The following RBM20 variants were observed in gnomAD, a reference collection of about 807,000 sequenced individuals.
RBM20 encodes RNA-binding protein 20.
A neutral mutation model predicts 110.1 loss-of-function variants in RBM20; 51 were observed. The ratio of observed to expected loss-of-function variants is 0.46; its 90% CI spans 0.37 to 0.59. The LOEUF (loss-of-function observed/expected upper bound fraction) is 0.59, where lower values mean the gene tolerates loss of function less well. Ranked by LOEUF, RBM20 falls within the 20% of genes least tolerant of loss-of-function variation. The probability of loss-of-function intolerance (pLI) is 0.00; values close to 1 mark genes in which losing one functional copy is unlikely to be tolerated. For synonymous variants in RBM20, 589 were observed against 618.2 expected (o/e 0.95, Z 0.70); for missense variants, 1,512 against 1,574.9 (o/e 0.96, Z 0.68).
intron 1 of RBM20, among the ~76,000 whole-genome samples, chr10:110,667,227 T>A (rs1862191703): frequency 6.6e-6 from 1 of 152,208 alleles, no homozygotes. Context: ...TTCACCAAGA[T>A]CCTAAGAATC....
At chr10:110,805,031 A>T (rs1479725478) in intron 7 of RBM20, among the ~76,000 whole-genome samples, 9 of 152,220 alleles carry the variant, frequency 5.9e-5, no homozygotes, top group Non-Finnish European at 8.8e-5. Flanking sequence ...TGAATGGTCC[A>T]TGGTGCTCTC....
At chr10:110,723,358 C>G in intron 1 of RBM20, among the ~76,000 whole-genome samples, 1 of 152,212 alleles carries the variant, frequency 6.6e-6, no homozygotes, top group East Asian at 1.9e-4. Context: ...CTTTCCCCTT[C>G]CCTCATCCTC....
chr10:110,768,086 C>G (rs1844132422), intron 1 of RBM20, among the ~76,000 whole-genome samples: 1 of 152,244 alleles, frequency 6.6e-6, no homozygotes, highest in Non-Finnish European at 1.5e-5. Flanking sequence ...GAAAACCAGT[C>G]AGGCGTGGCG....
chr10:110,763,379 T>G (rs1246034286), intron 1 of RBM20, among the ~76,000 whole-genome samples: 1 of 151,986 alleles, frequency 6.6e-6, no homozygotes, highest in African/African-American at 2.4e-5. Context: ...ATAAGCTCAC[T>G]GGGGAGTTTT....
intron 1 of RBM20, among the ~76,000 whole-genome samples, chr10:110,650,554 A>G (rs1455372205): frequency 6.6e-6 from 1 of 152,156 alleles, no homozygotes; most frequent in Non-Finnish European, 1.5e-5. Flanking sequence ...GATAGTTTCC[A>G]CGCCAATTTT....
chr10:110,768,917 G>A lies in RBM20; in HGVS notation c.192-11884G>A, dbSNP rs138617547. ...GCTGTATTGTGTTTGACCCTTTGTG[G>A]ACTTGTGACCCTTTGTGGACTTGTA... On this transcript the variant is annotated intron_variant, in intron 1 of 13. Coordinates refer to ENST00000369519, the MANE Select transcript of RBM20 (RefSeq NM_001134363.3). 4.6e-3 allele frequency among the ~76,000 whole-genome samples: 700 copies of A among 151,312 alleles called. 5 individuals carry two copies. Among genetic ancestry groups the A allele is most frequent in the Admixed American group, 8.4e-3 (128 of 15,184 alleles).
intron 5 of RBM20, among the ~76,000 whole-genome samples, chr10:110,787,773 A>G (rs1237363958): frequency 6.6e-6 from 1 of 152,078 alleles, no homozygotes; most frequent in Admixed American, 6.5e-5. Flanking sequence ...TTTTGCTAGG[A>G]GCTAGGAGGG....
chr10:110,795,447 C>A (rs1459269998), intron 5 of RBM20, among the ~76,000 whole-genome samples: 1 of 152,126 alleles, frequency 6.6e-6, no homozygotes, highest in Non-Finnish European at 1.5e-5. Context: ...CGGAAAGAGG[C>A]ACTTGGGCTT....
intron 1 of RBM20, among the ~76,000 whole-genome samples, chr10:110,702,177 C>T (rs1300570428): frequency 2.0e-5 from 3 of 152,200 alleles, no homozygotes; most frequent in Non-Finnish European, 4.4e-5. Flanking sequence ...AAGTGTTAAA[C>T]GTGTTCACTC....
chr10:110,737,177 C>CAAAAA lies in RBM20; in HGVS notation c.192-43608_192-43604dup, dbSNP rs550138775. ...GGGCAAGAAGAGTGAAACTCTGCCT[C>CAAAAA]AAAAAAAAAAAAAAAAAAAACACCC... On this transcript the variant is annotated intron_variant, in intron 1 of 13. Coordinates refer to ENST00000369519, the MANE Select transcript of RBM20 (RefSeq NM_001134363.3). 6.5e-3 allele frequency among the ~76,000 whole-genome samples: 173 copies of CAAAAA among 26,620 alleles called. 15 individuals are homozygous for CAAAAA. The highest frequency in any genetic ancestry group is 0.026 in the African/African-American group (145 of 5,586). 17.5% of individuals were successfully genotyped at this position (26,620 alleles called of 152,430 possible). A position where few individuals can be genotyped will look rare whatever the true frequency, so the allele number is the denominator to read the frequency against.
chr10:110,680,228 T>G (rs1590612725), intron 1 of RBM20, among the ~76,000 whole-genome samples: 1 of 151,808 alleles, frequency 6.6e-6, no homozygotes. Flanking sequence ...GAGTGGGTGG[T>G]GGGTTTGCTC....
At chr10:110,710,838 C>A (rs931758274) in intron 1 of RBM20, among the ~76,000 whole-genome samples, 2 of 152,158 alleles carry the variant, frequency 1.3e-5, no homozygotes, top group African/African-American at 4.8e-5. Context: ...CATGTGAGTC[C>A]CAGGCTCTGG....
Position 110,820,222 on chromosome 10 carries a change from T to G in RBM20, c.2655+46T>G, listed in dbSNP as rs747740692. 3 of 1,300,756 alleles carry G rather than the reference T, an allele frequency of 2.3e-6. No homozygotes were observed. In the South Asian group the frequency reaches 3.8e-5, roughly 17 times the overall value. 80.6% of individuals were successfully genotyped at this position (1,300,756 alleles called of 1,614,324 possible). On this transcript the variant is annotated intron_variant, in intron 10 of 13. Transcript: ENST00000369519. ...TGCACTTCTGCCATGAGGGACTGAG[T>G]CACAGGAGTCCCCCTTTTGCCTGGT... is the stretch of plus-strand genomic sequence containing the variant.
At chr10:110,769,242 T>G (rs1402941411) in intron 1 of RBM20, among the ~76,000 whole-genome samples, 1 of 151,290 alleles carries the variant, frequency 6.6e-6, no homozygotes, top group Non-Finnish European at 1.5e-5. Flanking sequence ...ACAGATGACT[T>G]TATCAACAAC....
chr10:110,724,354 G>A (rs904116513), intron 1 of RBM20, among the ~76,000 whole-genome samples: 1 of 152,218 alleles, frequency 6.6e-6, no homozygotes, highest in African/African-American at 2.4e-5. Flanking sequence ...ATTGCTCCAA[G>A]CTGGGAGCTG....
At chr10:110,751,905 A>AGGT (rs943620819) in intron 1 of RBM20, among the ~76,000 whole-genome samples, 2 of 151,978 alleles carry the variant, frequency 1.3e-5, no homozygotes, top group African/African-American at 2.4e-5. Flanking sequence ...TTTTTAGAGC[A>AGGT]GGTTCACAGC....
At chr10:110,799,659 A>G (rs1209975804) in intron 6 of RBM20, 128 bp from the exon 7 acceptor site, 18 of 869,370 alleles carry the variant, frequency 2.1e-5, no homozygotes, top group Non-Finnish European at 3.1e-5. Context: ...GCTCAATGCT[A>G]ACTCCTGTCA....
intron 5 of RBM20, among the ~76,000 whole-genome samples, chr10:110,785,792 T>A (rs1448786227): frequency 3.3e-5 from 5 of 152,000 alleles, no homozygotes; most frequent in Admixed American, 3.3e-4. Flanking sequence ...TTTCTAGCAT[T>A]CAGCGCTGGC....
chr10:110,823,363 A>G (rs1663933501), intron 11 of RBM20, 117 bp from the exon 12 acceptor site: 1 of 1,323,524 alleles, frequency 7.6e-7, no homozygotes, highest in Non-Finnish European at 1.0e-6. Flanking sequence ...TAAGCAGTCC[A>G]AGGAACAATT....
Sources: gnomAD v4.1 joint callset for allele counts (sites outside exome capture counted in the v4.1 genomes callset) on GRCh38, gnomAD v4.1.1 for gene constraint, MANE v1.5 for transcripts, NCBI Gene and HGNC (gene_info 2026-07-23, HGNC 2026-07-21) for gene names.